The following PPP1R3F variants were observed in gnomAD, a reference collection of about 807,000 sequenced individuals.
PPP1R3F encodes the protein protein phosphatase 1, regulatory (inhibitor) subunit 3F.
A neutral mutation model predicts 24.2 loss-of-function variants in PPP1R3F; 29 were observed. The ratio of observed to expected loss-of-function variants is 1.20; its 90% CI spans 0.89 to 1.63. The LOEUF (loss-of-function observed/expected upper bound fraction) is 1.63, where lower values mean the gene tolerates loss of function less well. Among genes scored for constraint, PPP1R3F ranks in the 40% most tolerant of loss-of-function variants. The probability of loss-of-function intolerance (pLI) is 0.00; values close to 1 mark genes in which losing one functional copy is unlikely to be tolerated. For missense variants in PPP1R3F, 823 were observed against 729.3 expected (o/e 1.13, Z -1.48); for synonymous variants, 363 against 340.1 (o/e 1.07, Z -0.74).
downstream of PPP1R3F, among the ~76,000 whole-genome samples, chrX:49,290,524 C>T (rs1326441229): frequency 5.4e-5 from 6 of 111,296 alleles, no homozygotes; most frequent in African/African-American, 1.6e-4. Flanking sequence ...GCAAGTCACC[C>T]GTCCTAGACC....
chrX:49,284,224 G>A (rs782529932), intron 3 of PPP1R3F, among the ~76,000 whole-genome samples: 54 of 111,446 alleles, frequency 4.8e-4, no homozygotes, highest in African/African-American at 1.7e-3. Flanking sequence ...CTTTTGACAC[G>A]CCCTCATCAT....
intron 3 of PPP1R3F, 97 bp from the exon 4 acceptor site, chrX:49,285,737 G>A (rs960133698): frequency 2.7e-5 from 25 of 920,295 alleles, no homozygotes; most frequent in Non-Finnish European, 3.4e-5. Context: ...GCTGGCTGTG[G>A]GCTGTCACAC....
In PPP1R3F at chrX:49,270,110, G is replaced by T. The variant is rs1557118648; in HGVS notation, c.241G>T (p.Glu81Ter). 9.8e-7 allele frequency: 1 copy of T among 1,025,536 alleles called. No homozygotes were observed. 84.5% of individuals were successfully genotyped at this position (1,025,536 alleles called of 1,213,427 possible). A position where few individuals can be genotyped will look rare whatever the true frequency, so the allele number is the denominator to read the frequency against. ...QDGGGGGGAD[E>*]DDDGEDGDEG... ...TGGCGGCGGCGGCGGCGGGGCCGACGAGGACGACGATGGCGAGGATGGGGA... is the reference window on the plus strand; with the variant it reads ...TGGCGGCGGCGGCGGCGGGGCCGACTAGGACGACGATGGCGAGGATGGGGA... The change falls in exon 1 of 4, where the codon GAG becomes TAG. Residue 81 changes from glutamate to a stop codon, truncating the protein, a stop_gained. Transcript: ENST00000055335. LOFTEE classifies it high-confidence loss of function.
intron 3 of PPP1R3F, among the ~76,000 whole-genome samples, chrX:49,283,729 A>C (rs2066263261): frequency 9.0e-6 from 1 of 111,503 alleles, no homozygotes; most frequent in South Asian, 3.7e-4. Context: ...GGCTGATTAC[A>C]TCCAGGTGGA....
At chrX:49,290,714 G>T (rs1158814361), downstream of PPP1R3F, among the ~76,000 whole-genome samples, 1 of 111,601 alleles carries the variant, frequency 9.0e-6, no homozygotes, top group African/African-American at 3.3e-5. Flanking sequence ...GGACTAAATT[G>T]CCCAGGGTCA....
chrX:49,274,129 C>T (rs1465441369), intron 1 of PPP1R3F: 4 of 112,247 alleles, frequency 3.6e-5, no homozygotes, highest in African/African-American at 6.5e-5. Context: ...GGTTTAATTC[C>T]GACAACATTC....
chrX:49,286,219 G>A lies in PPP1R3F; in HGVS notation c.1529G>A (p.Gly510Asp). Residue 510 changes from glycine (G) to aspartate (D), a missense_variant, in exon 4 of 4, where the codon GGT (glycine) becomes GAT (aspartate). Gly to Asp is a moderately conservative substitution (Grantham distance 94). Transcript: ENST00000055335. Reference sequence around the variant, plus strand: ...GCTGTGGCTGCGGGTGGGGCAGGGGGTGGTGGGGAGGGCTCCACAGATGGA... The same window carrying A: ...GCTGTGGCTGCGGGTGGGGCAGGGGATGGTGGGGAGGGCTCCACAGATGGA... ...RAAVAAGGAG[G>D]GGEGSTDGGM... 8.3e-7 allele frequency: 1 copy of A among 1,207,779 alleles called. No homozygotes were observed. Among genetic ancestry groups the A allele is most frequent in the South Asian group, 1.8e-5 (1 of 56,463 alleles).
downstream of PPP1R3F, among the ~76,000 whole-genome samples, chrX:49,290,037 C>A (rs1156590548): frequency 9.0e-6 from 1 of 111,079 alleles, no homozygotes; most frequent in Non-Finnish European, 1.9e-5. Context: ...CCACTGCACT[C>A]TAGTCTGGGC....
At chrX:49,280,549 C>CTTTTTTTTTTTTTTTTT (rs782591947) in intron 1 of PPP1R3F, among the ~76,000 whole-genome samples, 3 of 79,605 alleles carry the variant, frequency 3.8e-5, no homozygotes, top group African/African-American at 4.1e-5. Context: ...GCGTCTGGCC[C>CTTTTTTTTTTTTTTTTT]TTTTTTTTTT....
intron 3 of PPP1R3F, among the ~76,000 whole-genome samples, chrX:49,300,962 T>C: frequency 8.9e-6 from 1 of 112,190 alleles, no homozygotes. Flanking sequence ...CCTCTAACCA[T>C]ATCAAATGTT....
At chrX:49,281,315 C>A in intron 1 of PPP1R3F, 91 bp from the exon 2 acceptor site, 1 of 624,067 alleles carries the variant, frequency 1.6e-6, no homozygotes, top group Non-Finnish European at 2.5e-6. Flanking sequence ...TGAAGGTGGG[C>A]TAGCACAGAG....
chrX:49,278,504 C>T (rs1557120284), intron 1 of PPP1R3F, among the ~76,000 whole-genome samples: 1 of 112,452 alleles, frequency 8.9e-6, no homozygotes, highest in Non-Finnish European at 1.9e-5. Flanking sequence ...CTCTGAATCT[C>T]TCTTTCTCAT....
At chrX:49,279,449 C>T (rs187649544) in intron 1 of PPP1R3F, among the ~76,000 whole-genome samples, 3 of 111,583 alleles carry the variant, frequency 2.7e-5, no homozygotes, top group East Asian at 5.6e-4. Flanking sequence ...ATTGGGAGGC[C>T]GAGGAGGGTG....
chrX:49,277,862 G>A (rs1223860156), intron 1 of PPP1R3F, among the ~76,000 whole-genome samples: 2 of 112,321 alleles, frequency 1.8e-5, no homozygotes, highest in Admixed American at 1.9e-4. Context: ...TTGAAGGATA[G>A]ATGTGAAGGT....
intron 1 of PPP1R3F, among the ~76,000 whole-genome samples, chrX:49,276,713 T>C (rs1557120054): frequency 1.8e-5 from 2 of 111,900 alleles, no homozygotes. Flanking sequence ...AAGAAGCTCA[T>C]GGCACGAGAA....
At chrX:49,284,769 T>C (rs1462026576) in intron 3 of PPP1R3F, among the ~76,000 whole-genome samples, 19 of 111,490 alleles carry the variant, frequency 1.7e-4, no homozygotes, top group Admixed American at 1.5e-3. Flanking sequence ...TGCCTTGGCC[T>C]CCCAAAGTGC....
At chrX:49,298,528 C>G (rs1272529237) in intron 3 of PPP1R3F, among the ~76,000 whole-genome samples, 1 of 111,472 alleles carries the variant, frequency 9.0e-6, no homozygotes, top group Admixed American at 9.6e-5. Context: ...TTGTGCTGTT[C>G]TCTGTATTTC....
chrX:49,300,201 T>A (rs1602722488), intron 3 of PPP1R3F, among the ~76,000 whole-genome samples: 1 of 111,452 alleles, frequency 9.0e-6, no homozygotes, highest in African/African-American at 3.3e-5. Context: ...AAGCATAGTA[T>A]CTGGGCCTGG....
intron 1 of PPP1R3F, among the ~76,000 whole-genome samples, chrX:49,271,406 A>G (rs2066179425): frequency 8.9e-6 from 1 of 112,454 alleles, no homozygotes; most frequent in South Asian, 3.7e-4. Context: ...TGGATGATGA[A>G]TAACAGTTAT....
Sources: gnomAD v4.1 joint callset for allele counts (sites outside exome capture counted in the v4.1 genomes callset) on GRCh38, gnomAD v4.1.1 for gene constraint, MANE v1.5 for transcripts, NCBI Gene and HGNC (gene_info 2026-07-23, HGNC 2026-07-21) for gene names.